DOP1B: variants seen among roughly 807,000 people sequenced by gnomAD.
DOP1B encodes the protein protein DOP1B.
In DOP1B, 174 loss-of-function variants were observed where a neutral mutation model predicts 233.5. The ratio of observed to expected loss-of-function variants is 0.75; its 90% CI spans 0.66 to 0.85. The LOEUF is 0.85. DOP1B is among the 40% of genes least tolerant of loss of function. DOP1B has a pLI of 0.00. For synonymous variants in DOP1B, 1,190 were observed against 1,185.6 expected (o/e 1.00, Z -0.08); for missense variants, 2,652 against 2,846.6 (o/e 0.93, Z 1.56).
At chr21:36,194,618 C>G (rs1363334111) in intron 2 of DOP1B, among the ~76,000 whole-genome samples, 1 of 151,684 alleles carries the variant, frequency 6.6e-6, no homozygotes, top group African/African-American at 2.4e-5. Context: ...TCCTGAGTAG[C>G]TGGGACTGCA....
At chr21:36,270,288 C>T (rs1345055362) in intron 27 of DOP1B, 131 bp downstream of exon 27, 8 of 1,036,920 alleles carry the variant, frequency 7.7e-6, no homozygotes, top group Non-Finnish European at 9.8e-6. Flanking sequence ...TGCGGTGGCT[C>T]ACGCCTGTAA....
intron 2 of DOP1B, among the ~76,000 whole-genome samples, chr21:36,166,238 C>T (rs1018078229): frequency 6.6e-6 from 1 of 151,426 alleles, no homozygotes; most frequent in African/African-American, 2.4e-5. Context: ...AGATCGAGAC[C>T]ATCCTGGCTA....
chr21:36,223,476 A>G (rs2066649170), intron 11 of DOP1B, 126 bp downstream of exon 11: 4 of 1,223,684 alleles, frequency 3.3e-6, no homozygotes, highest in Non-Finnish European at 4.4e-6. Flanking sequence ...CTGAGTTTTA[A>G]AATTCAACTA....
chr21:36,160,910 A>G (rs2065863152), intron 1 of DOP1B, among the ~76,000 whole-genome samples: 1 of 152,246 alleles, frequency 6.6e-6, no homozygotes, highest in Non-Finnish European at 1.5e-5. Context: ...AGCTCCTGCA[A>G]ACATGCAGGC....
chr21:36,211,330 C>T (rs528374573), intron 5 of DOP1B, among the ~76,000 whole-genome samples: 26 of 152,270 alleles, frequency 1.7e-4, no homozygotes, highest in African/African-American at 5.1e-4. Context: ...CAAACCCCTC[C>T]GGCTCTCACG....
At chr21:36,280,547 C>T (rs1034259410) in intron 31 of DOP1B, among the ~76,000 whole-genome samples, 5 of 152,192 alleles carry the variant, frequency 3.3e-5, no homozygotes, top group African/African-American at 1.2e-4. Context: ...AAGAACGCCA[C>T]GACAACCTTT....
At chr21:36,288,865 C>A (rs954037060) in intron 34 of DOP1B, 54 bp downstream of exon 34, 1 of 1,512,916 alleles carries the variant, frequency 6.6e-7, no homozygotes, top group Non-Finnish European at 9.1e-7. Context: ...GATTAAAGCA[C>A]GTCACTTTAG....
At position 36,293,650 on chromosome 21, in the gene DOP1B, G is replaced by A; in HGVS notation, c.*79G>A. The A allele has an allele frequency of 1.4e-6, 2 of 1,469,056 alleles. No individual in the cohort carries two copies. The highest frequency in any genetic ancestry group is 1.9e-5 in the Admixed American group (1 of 53,232). 91.0% of individuals were successfully genotyped at this position (1,469,056 alleles called of 1,614,324 possible). On this transcript the variant is annotated 3_prime_UTR_variant, in exon 37 of 37. Transcript: ENST00000691173. ...GGTTATATTCTAAAGAAGAAAGAAG[G>A]CAGGATAGTGCTTTTGAACAAGCCT...
intron 17 of DOP1B, 82 bp from the exon 18 acceptor site, chr21:36,239,683 C>A: frequency 7.0e-7 from 1 of 1,422,142 alleles, no homozygotes. Flanking sequence ...TGTTGGGTGA[C>A]GCCCTATGCC....
intron 2 of DOP1B, among the ~76,000 whole-genome samples, chr21:36,198,153 G>GGC (rs2123466849): frequency 6.6e-6 from 1 of 152,196 alleles, no homozygotes; most frequent in African/African-American, 2.4e-5. Flanking sequence ...AAGCCGGCCA[G>GGC]GCGCAGTGGA....
At chr21:36,272,304 G>A (rs1366242909) in intron 27 of DOP1B, among the ~76,000 whole-genome samples, 5 of 151,684 alleles carry the variant, frequency 3.3e-5, no homozygotes, top group Non-Finnish European at 7.4e-5. Flanking sequence ...CCTGGTTAGC[G>A]GGCATGGTGG....
intron 36 of DOP1B, among the ~76,000 whole-genome samples, chr21:36,292,568 G>A (rs953182258): frequency 1.1e-4 from 16 of 150,560 alleles, no homozygotes; most frequent in African/African-American, 3.2e-4. Flanking sequence ...AACTACAGGC[G>A]CACGCCACCA....
intron 30 of DOP1B, among the ~76,000 whole-genome samples, chr21:36,278,640 G>T (rs1007437483): frequency 3.3e-5 from 5 of 152,158 alleles, no homozygotes; most frequent in African/African-American, 7.2e-5. Context: ...GGCTAAGGTG[G>T]GTGGATCACC....
At chr21:36,205,140 G>A (rs2066413170) in intron 4 of DOP1B, among the ~76,000 whole-genome samples, 1 of 152,218 alleles carries the variant, frequency 6.6e-6, no homozygotes, top group Non-Finnish European at 1.5e-5. Flanking sequence ...GTGACAGCTT[G>A]GCTTTCCATG....
At chr21:36,274,949 A>G (rs2067333308) in intron 27 of DOP1B, among the ~76,000 whole-genome samples, 1 of 124,250 alleles carries the variant, frequency 8.0e-6, no homozygotes, top group Non-Finnish European at 1.8e-5. Flanking sequence ...GGTTCAAGCA[A>G]TTCTTCTGCC....
chr21:36,176,085 G>A (rs2066020970), intron 2 of DOP1B, among the ~76,000 whole-genome samples: 1 of 13,316 alleles, frequency 7.5e-5, no homozygotes, highest in Admixed American at 6.3e-4. Context: ...CTTCGACTTT[G>A]GGGTGTGTGT....
intron 2 of DOP1B, among the ~76,000 whole-genome samples, chr21:36,175,285 A>G (rs1394281458): frequency 2.0e-5 from 3 of 151,626 alleles, no homozygotes; most frequent in African/African-American, 2.4e-5. Flanking sequence ...TAATTTTTGT[A>G]TTTTTAGTAG....
At chr21:36,229,801 A>G (rs1245723303) in intron 13 of DOP1B, among the ~76,000 whole-genome samples, 1 of 151,334 alleles carries the variant, frequency 6.6e-6, no homozygotes, top group African/African-American at 2.4e-5. Context: ...AGCTGGGATT[A>G]CAGGCACCCA....
Position 36,223,001 on chromosome 21 carries a change from G to A in DOP1B, c.1251-230G>A, listed in dbSNP as rs142752963. ...GCTGTGATTACAGGTGTGAGCCACC[G>A]CACCCAGCTCTGAAATTTATTTTTA... On this transcript the variant is annotated intron_variant, in intron 10 of 36. Transcript: ENST00000691173. Among the ~76,000 whole-genome samples the A allele has an allele frequency of 4.8e-3, 737 of 152,208 alleles. 10 individuals are homozygous for A. Among genetic ancestry groups the A allele is most frequent in the Middle Eastern group, 0.031 (9 of 294 alleles).
Sources: allele counts gnomAD v4.1 joint callset (sites outside exome capture counted in the v4.1 genomes callset), GRCh38; gene constraint gnomAD v4.1.1; transcripts MANE v1.5; gene names NCBI Gene and HGNC (gene_info 2026-07-23, HGNC 2026-07-21).